PARD3B: variants seen among roughly 807,000 people sequenced by gnomAD.
PARD3B encodes the protein par-3 family cell polarity regulator beta, also known as partitioning defective 3 homolog B.
Under a neutral mutation model 130.2 loss-of-function variants are expected in PARD3B, and 103 were observed. The ratio of observed to expected loss-of-function variants is 0.79; its 90% CI spans 0.67 to 0.93. PARD3B has a LOEUF of 0.93. Among genes scored for constraint, PARD3B ranks in the 40% least tolerant of loss-of-function variants. PARD3B has a pLI of 0.00. For missense variants in PARD3B, 1,609 were observed against 1,499.2 expected (o/e 1.07, Z -1.21); for synonymous variants, 583 against 553.2 (o/e 1.05, Z -0.76).
At chr2:204,599,763 A>G (rs552065849) in intron 1 of PARD3B, among the ~76,000 whole-genome samples, 26 of 152,112 alleles carry the variant, frequency 1.7e-4, no homozygotes, top group African/African-American at 6.0e-4. Flanking sequence ...GAACCTCCAT[A>G]CTGTTCTCCA....
chr2:205,603,887 T>C (rs112160290), intron 22 of PARD3B, among the ~76,000 whole-genome samples: 2 of 152,340 alleles, frequency 1.3e-5, no homozygotes, highest in African/African-American at 4.8e-5. Flanking sequence ...GATCCTATCA[T>C]CATGATGCTA....
intron 18 of PARD3B, among the ~76,000 whole-genome samples, chr2:205,338,775 C>T (rs996515694): frequency 6.6e-6 from 1 of 152,114 alleles, no homozygotes; most frequent in Non-Finnish European, 1.5e-5. Flanking sequence ...AGTAACCAGT[C>T]TTTGTTGAAT....
At chr2:205,468,325 G>A (rs759411273) in intron 20 of PARD3B, among the ~76,000 whole-genome samples, 2 of 152,146 alleles carry the variant, frequency 1.3e-5, no homozygotes, top group Non-Finnish European at 2.9e-5. Context: ...CACTATTGTA[G>A]CCAGGAATCC....
intron 4 of PARD3B, among the ~76,000 whole-genome samples, chr2:205,079,799 C>T (rs908984992): frequency 7.9e-5 from 12 of 152,058 alleles, no homozygotes; most frequent in African/African-American, 2.4e-4. Flanking sequence ...ATTATGCTAA[C>T]GTAAAAATTA....
chr2:205,440,214 T>A lies in PARD3B; in HGVS notation c.2742-156T>A, dbSNP rs2047663440. ...GATCAGATATATAAAATTAATCTTC[T>A]TATGCTGTTGGCATTTCTGCATGCT... On this transcript the variant is annotated intron_variant, in intron 19 of 22. Transcript: ENST00000406610. This position sits in a 1 kb window ranked among gnomAD's most constrained non-coding sequence, Gnocchi z 4.2. Among the ~76,000 whole-genome samples the A allele has an allele frequency of 6.6e-6, 1 of 152,202 alleles. No homozygotes were observed. The highest frequency in any genetic ancestry group is 6.5e-5 in the Admixed American group (1 of 15,268).
intron 3 of PARD3B, among the ~76,000 whole-genome samples, chr2:205,013,266 G>A (rs980037987): frequency 5.3e-5 from 8 of 152,014 alleles, no homozygotes; most frequent in Admixed American, 1.3e-4. Context: ...TGCTTTCTAC[G>A]GTGCTCTTTT....
At chr2:205,426,859 G>A (rs1413293097) in intron 19 of PARD3B, among the ~76,000 whole-genome samples, 2 of 152,084 alleles carry the variant, frequency 1.3e-5, no homozygotes, top group Admixed American at 6.6e-5. Context: ...AAATATAGAT[G>A]CAATTTATAC....
At chr2:204,923,742 G>A (rs1005640331) in intron 2 of PARD3B, among the ~76,000 whole-genome samples, 1 of 151,924 alleles carries the variant, frequency 6.6e-6, no homozygotes, top group Non-Finnish European at 1.5e-5. Flanking sequence ...CACCACTGAT[G>A]CTAACTTTTA....
chr2:204,653,210 A>G (rs2035539948), intron 1 of PARD3B, among the ~76,000 whole-genome samples: 1 of 150,676 alleles, frequency 6.6e-6, no homozygotes, highest in Admixed American at 6.6e-5. Flanking sequence ...CTGTAAATGA[A>G]ACCCCAATGA....
intron 16 of PARD3B, among the ~76,000 whole-genome samples, chr2:205,248,357 G>A (rs1438054565): frequency 3.5e-5 from 5 of 142,554 alleles, no homozygotes; most frequent in Admixed American, 3.5e-4. Flanking sequence ...TTGCATTTAC[G>A]TGAAGGGATA....
chr2:205,383,129 T>TAGAGAGAG (rs1559038970), intron 18 of PARD3B, among the ~76,000 whole-genome samples: 5 of 137,974 alleles, frequency 3.6e-5, no homozygotes, highest in Admixed American at 1.7e-4. Context: ...GATAGATAGA[T>TAGAGAGAG]AGATAGATAG....
At chr2:204,631,654 G>T (rs142193067) in intron 1 of PARD3B, among the ~76,000 whole-genome samples, 1 of 152,266 alleles carries the variant, frequency 6.6e-6, no homozygotes, top group African/African-American at 2.4e-5. Flanking sequence ...GGTGCTAGCT[G>T]CTGGTTATTT....
intron 2 of PARD3B, among the ~76,000 whole-genome samples, chr2:204,863,009 T>C (rs1224184335): frequency 1.3e-5 from 2 of 152,118 alleles, no homozygotes; most frequent in South Asian, 2.1e-4. Context: ...GTCCTCCCAG[T>C]GTGCAGGTGG....
chr2:205,482,060 C>G (rs1031732328), intron 20 of PARD3B, among the ~76,000 whole-genome samples: 5 of 152,016 alleles, frequency 3.3e-5, no homozygotes, highest in Non-Finnish European at 5.9e-5. Flanking sequence ...AGGACCTGCC[C>G]CATGCGAGCC....
At chr2:205,595,945 A>G (rs907886903) in intron 22 of PARD3B, among the ~76,000 whole-genome samples, 20 of 152,108 alleles carry the variant, frequency 1.3e-4, no homozygotes, top group African/African-American at 4.3e-4. Context: ...AAGAAGAAGT[A>G]ATGATGAGAG....
intron 18 of PARD3B, among the ~76,000 whole-genome samples, chr2:205,319,377 G>A (rs1024335817): frequency 2.6e-5 from 4 of 152,208 alleles, no homozygotes; most frequent in Non-Finnish European, 5.9e-5. Flanking sequence ...TTTCTGATGG[G>A]CCATCTCTAG....
chr2:204,771,646 A>G (rs1480521128), intron 2 of PARD3B, among the ~76,000 whole-genome samples: 1 of 152,100 alleles, frequency 6.6e-6, no homozygotes, highest in African/African-American at 2.4e-5. Context: ...ACAAACCTGC[A>G]CATATACCCC....
Position 204,865,622 on chromosome 2 carries a change from G to C in PARD3B, c.223-99530G>C, listed in dbSNP as rs558398766. On this transcript the variant is annotated intron_variant, in intron 2 of 22. Transcript: ENST00000406610. ...GCCTAAGAATGATACAATGGACTTC[G>C]GGGACTCGGGGGAAAGGGTGGGAGG... 3.9e-5 allele frequency among the ~76,000 whole-genome samples: 6 copies of C among 152,182 alleles called. No individual in the cohort carries two copies. The East Asian group carries it at 7.7e-4, about 20-fold the overall frequency.
intron 2 of PARD3B, among the ~76,000 whole-genome samples, chr2:204,858,788 TA>T (rs1041020729): frequency 1.6e-4 from 23 of 148,290 alleles, no homozygotes; most frequent in Middle Eastern, 3.6e-3. Flanking sequence ...ATATAATATA[TA>T]AAAAATATAG....
Sources: allele counts gnomAD v4.1 joint callset (sites outside exome capture counted in the v4.1 genomes callset), GRCh38; gene constraint gnomAD v4.1.1; non-coding constraint Gnocchi (gnomAD v3.1); transcripts MANE v1.5; gene names NCBI Gene and HGNC (gene_info 2026-07-23, HGNC 2026-07-21).